FAM135B: variants seen among roughly 807,000 people sequenced by gnomAD.
The protein encoded by FAM135B is family with sequence similarity 135 member B, also known as protein FAM135B.
A neutral mutation model predicts 127.7 loss-of-function variants in FAM135B; 43 were observed. The observed-to-expected ratio is 0.34, with a 90% CI of 0.26 to 0.43. FAM135B has a LOEUF of 0.43. Among genes scored for constraint, FAM135B ranks in the 20% least tolerant of loss-of-function variants. The pLI, the probability that FAM135B is intolerant of heterozygous loss-of-function variation, is 1.00. For synonymous variants in FAM135B, 670 were observed against 665.1 expected (o/e 1.01, Z -0.11); for missense variants, 1,558 against 1,725.6 (o/e 0.90, Z 1.72).
intron 7 of FAM135B, among the ~76,000 whole-genome samples, chr8:138,229,162 G>A (rs1819713079): frequency 6.6e-6 from 1 of 152,044 alleles, no homozygotes; most frequent in Non-Finnish European, 1.5e-5. Flanking sequence ...GTCATTTAAG[G>A]AGTTTTATGA....
At chr8:138,184,988 C>A (rs1815417847) in intron 9 of FAM135B, among the ~76,000 whole-genome samples, 1 of 152,214 alleles carries the variant, frequency 6.6e-6, no homozygotes, top group Non-Finnish European at 1.5e-5. Context: ...AACCAGCTGC[C>A]TCCAGCTGAG....
chr8:138,286,891 C>A (rs1824730191), intron 3 of FAM135B, among the ~76,000 whole-genome samples: 1 of 152,220 alleles, frequency 6.6e-6, no homozygotes, highest in Non-Finnish European at 1.5e-5. Context: ...GCCAATGAGG[C>A]CTGAACACAA....
chr8:138,297,861 G>T (rs997580794), intron 3 of FAM135B, among the ~76,000 whole-genome samples: 9 of 152,238 alleles, frequency 5.9e-5, no homozygotes, highest in African/African-American at 2.2e-4. Flanking sequence ...GGTCCATCTT[G>T]CTGGGCCAGC....
chr8:138,434,562 T>C (rs1165298936), intron 1 of FAM135B, among the ~76,000 whole-genome samples: 5 of 152,200 alleles, frequency 3.3e-5, no homozygotes, highest in African/African-American at 1.2e-4. Flanking sequence ...ATGCTTCCAA[T>C]GACCCTTCCC....
chr8:138,346,385 C>G (rs1177170656), intron 2 of FAM135B, among the ~76,000 whole-genome samples: 1 of 152,208 alleles, frequency 6.6e-6, no homozygotes, highest in Non-Finnish European at 1.5e-5. Context: ...AAATGCAGCA[C>G]TATTCCCAAT....
chr8:138,464,255 T>C (rs1353821545), intron 1 of FAM135B, among the ~76,000 whole-genome samples: 7 of 152,152 alleles, frequency 4.6e-5, no homozygotes, highest in Non-Finnish European at 1.0e-4. Context: ...GGCTTGGACC[T>C]GATGCTCAGG....
At chr8:138,336,679 C>A (rs985255079) in intron 2 of FAM135B, among the ~76,000 whole-genome samples, 3 of 152,112 alleles carry the variant, frequency 2.0e-5, no homozygotes, top group Non-Finnish European at 2.9e-5. Context: ...ACCAGAGGTA[C>A]AAGGAGGAGC....
At position 138,151,324 on chromosome 8, in the gene FAM135B, T is replaced by C. The variant is rs765898868; in HGVS notation, c.3151A>G (p.Thr1051Ala). ...GAAGAGAATCCAGCCCTGGCAGGGG[T>C]CTCCTTGGGCACAGATGAGAAAGGG... ...CLPFSSVPKE[T>A]PARAGFSSKQ... The change falls in exon 13 of 20, where the codon ACC becomes GCC. Residue 1051 changes from threonine (T) to alanine (A), a missense_variant. This residue lies in a region of FAM135B where 923 missense variants were observed against 865.3 expected (regional missense o/e 1.07). Coordinates refer to ENST00000395297, the MANE Select transcript of FAM135B (RefSeq NM_015912.4). 5.6e-6 allele frequency: 9 copies of C among 1,612,324 alleles called. No homozygotes were observed. The highest frequency in any genetic ancestry group is 7.6e-6 in the Non-Finnish European group (9 of 1,179,486).
chr8:138,339,476 G>T (rs1433963073), intron 2 of FAM135B, among the ~76,000 whole-genome samples: 1 of 151,578 alleles, frequency 6.6e-6, no homozygotes, highest in Non-Finnish European at 1.5e-5. Flanking sequence ...CCTGAAGCTG[G>T]GCAGAATGCC....
intron 9 of FAM135B, among the ~76,000 whole-genome samples, chr8:138,185,894 T>G (rs1282788762): frequency 6.6e-6 from 1 of 152,166 alleles, no homozygotes; most frequent in East Asian, 1.9e-4. Context: ...CTAATCAGGC[T>G]TCACAGCAGG....
At chr8:138,344,880 C>T (rs1185438001) in intron 2 of FAM135B, among the ~76,000 whole-genome samples, 2 of 152,024 alleles carry the variant, frequency 1.3e-5, no homozygotes, top group African/African-American at 2.4e-5. Context: ...TGGCTTCTTG[C>T]TACACTTTCT....
intron 1 of FAM135B, among the ~76,000 whole-genome samples, chr8:138,460,562 T>C (rs1837062069): frequency 6.6e-6 from 1 of 152,194 alleles, no homozygotes; most frequent in African/African-American, 2.4e-5. Context: ...CCTCAGAGTA[T>C]ACATTTGTGC....
chr8:138,204,073 T>C (rs1175393496), intron 7 of FAM135B, among the ~76,000 whole-genome samples: 1 of 152,146 alleles, frequency 6.6e-6, no homozygotes, highest in African/African-American at 2.4e-5. Context: ...CACCTGTCAC[T>C]CACCTCCTAC....
chr8:138,338,229 C>A (rs1322915727), intron 2 of FAM135B, among the ~76,000 whole-genome samples: 1 of 151,496 alleles, frequency 6.6e-6, no homozygotes, highest in Non-Finnish European at 1.5e-5. Flanking sequence ...ACACCAAAAG[C>A]AATGGCAACA....
At chr8:138,355,297 C>T (rs984489520) in intron 2 of FAM135B, among the ~76,000 whole-genome samples, 14 of 152,182 alleles carry the variant, frequency 9.2e-5, no homozygotes, top group African/African-American at 3.1e-4. Flanking sequence ...CTACTCACAA[C>T]GGCAAAGACT....
At chr8:138,363,377 T>C (rs982687261) in intron 2 of FAM135B, among the ~76,000 whole-genome samples, 8 of 152,140 alleles carry the variant, frequency 5.3e-5, no homozygotes, top group Non-Finnish European at 8.8e-5. Context: ...CCATACAATG[T>C]TGGGTTGGGG....
At chr8:138,392,121 A>C (rs1832611478) in intron 1 of FAM135B, among the ~76,000 whole-genome samples, 1 of 152,232 alleles carries the variant, frequency 6.6e-6, no homozygotes, top group South Asian at 2.1e-4. Flanking sequence ...ACACATTCAG[A>C]TAACGTCTGG....
At chr8:138,311,224 TG>T in intron 2 of FAM135B, among the ~76,000 whole-genome samples, 1 of 152,306 alleles carries the variant, frequency 6.6e-6, no homozygotes, top group Middle Eastern at 3.4e-3. Context: ...TTAAGAGGTG[TG>T]GGTTTTATTT....
At chr8:138,153,318 C>T in intron 12 of FAM135B, 102 bp from the exon 13 acceptor site, 1 of 934,024 alleles carries the variant, frequency 1.1e-6, no homozygotes, top group Non-Finnish European at 1.5e-6. Flanking sequence ...GCTATGTGGA[C>T]TCGGTTCGAA....
Sources: gnomAD v4.1 joint callset for allele counts (sites outside exome capture counted in the v4.1 genomes callset) on GRCh38, gnomAD v4.1.1 for gene constraint, gnomAD v4.1.1 regional missense constraint, MANE v1.5 for transcripts, NCBI Gene and HGNC (gene_info 2026-07-23, HGNC 2026-07-21) for gene names.